ATF6: variants seen among roughly 807,000 people sequenced by gnomAD.
ATF6 encodes activating transcription factor 6.
In ATF6, 53 loss-of-function variants were observed where a neutral mutation model predicts 83.6. The ratio of observed to expected loss-of-function variants is 0.63; its 90% CI spans 0.51 to 0.80. The LOEUF (loss-of-function observed/expected upper bound fraction) is 0.80. ATF6 is among the 30% of genes least tolerant of loss of function. ATF6 has a pLI of 0.00. For missense variants in ATF6, 744 were observed against 797.9 expected (o/e 0.93, Z 0.81); for synonymous variants, 288 against 285.8 (o/e 1.01, Z -0.08).
At position 161,963,114 on chromosome 1, in the gene ATF6, G is replaced by A. The variant is rs1689134435; in HGVS notation, c.*4460G>A. 6.6e-6 allele frequency: 1 copy of A among 152,092 alleles called. No individual in the cohort carries two copies. Among genetic ancestry groups the A allele is most frequent in the Non-Finnish European group, 1.5e-5 (1 of 67,994 alleles). The allele number at this position is 152,092 out of a possible 1,614,324, so 9.4% of individuals were successfully genotyped here. On this transcript the variant is annotated 3_prime_UTR_variant, in exon 16 of 16. Coordinates refer to ENST00000367942, the MANE Select transcript of ATF6 (RefSeq NM_007348.4). ...ACAATACTAGACTACCCAAAAAGAT[G>A]TTGCCAGAATCCAAAAGGAACTATG...
At chr1:161,909,381 C>G (rs908655641) in intron 14 of ATF6, among the ~76,000 whole-genome samples, 1 of 152,154 alleles carries the variant, frequency 6.6e-6, no homozygotes, top group African/African-American at 2.4e-5. Flanking sequence ...GTCCGTTGAC[C>G]AGACCGTGTA....
At chr1:161,846,864 C>A (rs1036120317) in intron 10 of ATF6, among the ~76,000 whole-genome samples, 2 of 151,526 alleles carry the variant, frequency 1.3e-5, no homozygotes, top group Admixed American at 1.3e-4. Context: ...TATATAATGT[C>A]TTTAATAATT....
At chr1:161,772,964 T>G (rs1344987203) in intron 1 of ATF6, among the ~76,000 whole-genome samples, 1 of 5,024 alleles carries the variant, frequency 2.0e-4, no homozygotes, top group African/African-American at 8.3e-4. Flanking sequence ...GAAACTCCTG[T>G]TTTTTTTTTT....
At chr1:161,946,353 C>T (rs1200258719) in intron 15 of ATF6, among the ~76,000 whole-genome samples, 1 of 152,160 alleles carries the variant, frequency 6.6e-6, no homozygotes, top group African/African-American at 2.4e-5. Context: ...GAAGAATTCT[C>T]TTTGATTTAC....
intron 14 of ATF6, among the ~76,000 whole-genome samples, chr1:161,896,812 G>A (rs907156498): frequency 2.0e-5 from 3 of 152,084 alleles, no homozygotes; most frequent in African/African-American, 7.2e-5. Flanking sequence ...GAGATTTAGA[G>A]GTGTACTTTT....
At chr1:161,893,762 G>A (rs1687610557) in intron 14 of ATF6, among the ~76,000 whole-genome samples, 2 of 152,164 alleles carry the variant, frequency 1.3e-5, no homozygotes, top group Admixed American at 1.3e-4. Flanking sequence ...CAATGTAAGG[G>A]AAGAACAAAT....
At chr1:161,822,551 AC>A (rs1207177751) in intron 9 of ATF6, among the ~76,000 whole-genome samples, 1 of 150,902 alleles carries the variant, frequency 6.6e-6, no homozygotes, top group Non-Finnish European at 1.5e-5. Flanking sequence ...TTAAAAAAAA[AC>A]ATTTTTTATG....
chr1:161,862,008 T>C (rs1480309819), intron 13 of ATF6, among the ~76,000 whole-genome samples: 1 of 152,204 alleles, frequency 6.6e-6, no homozygotes, highest in Non-Finnish European at 1.5e-5. Context: ...GAATAATATA[T>C]GTTAAAGAAG....
chr1:161,885,878 C>T (rs1687407885), intron 14 of ATF6, among the ~76,000 whole-genome samples: 1 of 152,168 alleles, frequency 6.6e-6, no homozygotes, highest in Admixed American at 6.5e-5. Context: ...ATAAAAGAGA[C>T]ATCCTGCAGA....
At position 161,948,068 on chromosome 1, in the gene ATF6, C is replaced by T. The variant is rs1247756121; in HGVS notation, c.1805-10378C>T. 5.3e-5 allele frequency among the ~76,000 whole-genome samples: 8 copies of T among 151,592 alleles called. 1 individual carries two copies. In the South Asian group the frequency reaches 1.7e-3, roughly 32 times the overall value. On this transcript the variant is annotated intron_variant, in intron 15 of 15. Coordinates refer to ENST00000367942, the MANE Select transcript of ATF6 (RefSeq NM_007348.4). ...CGAACTCCTGACCTCAAGTGATCCACCCCCCCGTCAGCCTCCCAAAGTACC... is the reference window on the plus strand; with the variant it reads ...CGAACTCCTGACCTCAAGTGATCCATCCCCCCGTCAGCCTCCCAAAGTACC...
chr1:161,917,190 A>G (rs959838336), intron 15 of ATF6, among the ~76,000 whole-genome samples: 2 of 152,222 alleles, frequency 1.3e-5, no homozygotes, highest in Non-Finnish European at 2.9e-5. Flanking sequence ...ACTGTTCTTT[A>G]TTCAAATGCT....
At chr1:161,901,304 T>A (rs1687781281) in intron 14 of ATF6, among the ~76,000 whole-genome samples, 1 of 152,030 alleles carries the variant, frequency 6.6e-6, no homozygotes, top group Non-Finnish European at 1.5e-5. Context: ...TTTTCAACCC[T>A]TGAGTAGACA....
intron 1 of ATF6, among the ~76,000 whole-genome samples, chr1:161,766,655 G>T: frequency 6.6e-6 from 1 of 152,210 alleles, no homozygotes. Context: ...TGTCTAACTG[G>T]AGTTAACTGT....
At chr1:161,892,965 G>T (rs1687589897) in intron 14 of ATF6, among the ~76,000 whole-genome samples, 1 of 151,786 alleles carries the variant, frequency 6.6e-6, no homozygotes, top group Non-Finnish European at 1.5e-5. Flanking sequence ...CCTAAAATGT[G>T]GCTTTGTGTT....
intron 9 of ATF6, 73 bp from the exon 10 acceptor site, chr1:161,846,376 C>G: frequency 9.5e-6 from 14 of 1,474,508 alleles, no homozygotes; most frequent in Non-Finnish European, 1.2e-5. Context: ...TGGTTTGTTT[C>G]ACAGCTGCAT....
intron 14 of ATF6, among the ~76,000 whole-genome samples, chr1:161,870,222 G>T (rs1400541537): frequency 1.3e-5 from 2 of 151,674 alleles, no homozygotes; most frequent in East Asian, 3.8e-4. Flanking sequence ...ATGTTTGTTT[G>T]TTAATTACCT....
chr1:161,911,126 C>A (rs776475750), intron 14 of ATF6, among the ~76,000 whole-genome samples: 8 of 152,048 alleles, frequency 5.3e-5, no homozygotes, highest in Non-Finnish European at 1.2e-4. Context: ...TGTATCAGAT[C>A]CTACTTTTTG....
At chr1:161,822,819 A>G (rs970523080) in intron 9 of ATF6, among the ~76,000 whole-genome samples, 1 of 152,232 alleles carries the variant, frequency 6.6e-6, no homozygotes, top group Non-Finnish European at 1.5e-5. Flanking sequence ...CATCTAAAAG[A>G]AGATTAGGAA....
In ATF6 at chr1:161,963,187, AGT is replaced by A. The variant is rs1200181289; in HGVS notation, c.*4538_*4539del. On this transcript the variant is annotated 3_prime_UTR_variant, in exon 16 of 16. Transcript: ENST00000367942. ...CTCCTACCTAAAAAAAAGAAAGTAAAGTGTGTTCTGTTCTTATCTTTTTAATG... is the reference window on the plus strand; with the variant it reads ...CTCCTACCTAAAAAAAAGAAAGTAAAGTGTTCTGTTCTTATCTTTTTAATG... 4 of 152,206 alleles carry A rather than the reference AGT, an allele frequency of 2.6e-5. No homozygotes were observed. Among genetic ancestry groups the A allele is most frequent in the Admixed American group, 6.5e-5 (1 of 15,282 alleles). 9.4% of individuals were successfully genotyped at this position (152,206 alleles called of 1,614,324 possible).
Sources: gnomAD v4.1 joint callset for allele counts (sites outside exome capture counted in the v4.1 genomes callset) on GRCh38, gnomAD v4.1.1 for gene constraint, MANE v1.5 for transcripts, NCBI Gene and HGNC (gene_info 2026-07-23, HGNC 2026-07-21) for gene names.